TMEM87A: variants seen among roughly 807,000 people sequenced by gnomAD.
TMEM87A encodes the protein Golgi-pH regulating cation channel.
Under a neutral mutation model 90.0 loss-of-function variants are expected in TMEM87A, and 50 were observed. The ratio of observed to expected loss-of-function variants is 0.56; its 90% confidence interval spans 0.44 to 0.70. TMEM87A has a LOEUF of 0.70. Ranked by LOEUF, TMEM87A falls within the 30% of genes least tolerant of loss-of-function variation. The pLI is 0.00. For synonymous variants in TMEM87A, 226 were observed against 226.7 expected, an observed-to-expected ratio of 1.00 and a Z score of 0.03; for missense variants, 577 against 660.5, an observed-to-expected ratio of 0.87 and a Z score of 1.39.
chr15:42,270,238 C>T (rs992103241), intron 2 of TMEM87A, among the ~76,000 whole-genome samples: 1 of 151,794 alleles, frequency 6.6e-6, no homozygotes, highest in Non-Finnish European at 1.5e-5. Context: ...GGCGTGGTGG[C>T]ACGCGCCTAT....
intron 6 of TMEM87A, among the ~76,000 whole-genome samples, chr15:42,245,481 A>T (rs756964425): frequency 6.6e-6 from 1 of 150,678 alleles, no homozygotes; most frequent in African/African-American, 2.4e-5. Context: ...AATAACATTT[A>T]TATGCCAGAT....
intron 6 of TMEM87A, among the ~76,000 whole-genome samples, chr15:42,252,598 A>G (rs2051106746): frequency 6.6e-6 from 1 of 151,940 alleles, no homozygotes; most frequent in African/African-American, 2.4e-5. Flanking sequence ...AATTCCTATT[A>G]TGTGGATGTT....
chr15:42,233,110 A>T (rs1595719426), intron 11 of TMEM87A, 103 bp downstream of exon 11: 4 of 956,956 alleles, frequency 4.2e-6, no homozygotes, highest in Non-Finnish European at 6.4e-6. Context: ...AAAGTGACTT[A>T]AAGCAAACAG....
intron 1 of TMEM87A, 121 bp from the exon 2 acceptor site, chr15:42,272,244 A>G: frequency 1.6e-6 from 1 of 629,254 alleles, no homozygotes. Flanking sequence ...CGTACCCCTT[A>G]ATCAGTTCAT....
At chr15:42,212,094 C>G (rs1200155386) in intron 19 of TMEM87A, among the ~76,000 whole-genome samples, 1 of 152,118 alleles carries the variant, frequency 6.6e-6, no homozygotes, top group Non-Finnish European at 1.5e-5. Flanking sequence ...CTTGAAGACC[C>G]AGTGAAGGAT....
intron 3 of TMEM87A, among the ~76,000 whole-genome samples, chr15:42,266,016 G>C (rs1357019085): frequency 1.3e-5 from 2 of 152,106 alleles, no homozygotes; most frequent in Non-Finnish European, 1.5e-5. Context: ...AATATCAGAT[G>C]GTTGTAGGTG....
At chr15:42,219,760 GTTTTAT>G (rs2050441337) in intron 16 of TMEM87A, 118 bp from the exon 17 acceptor site, 1 of 709,012 alleles carries the variant, frequency 1.4e-6, no homozygotes, top group Admixed American at 3.4e-5. Flanking sequence ...ACTTATCATA[GTTTTAT>G]TTTAAGCTTC....
chr15:42,253,601 C>T (rs2051124408), intron 6 of TMEM87A, among the ~76,000 whole-genome samples: 1 of 152,162 alleles, frequency 6.6e-6, no homozygotes, highest in East Asian at 1.9e-4. Context: ...GTATTAGTTC[C>T]CCTGGCACCA....
At chr15:42,215,658 A>G (rs2050371016) in intron 19 of TMEM87A, among the ~76,000 whole-genome samples, 1 of 152,142 alleles carries the variant, frequency 6.6e-6, no homozygotes, top group East Asian at 1.9e-4. Context: ...CATCATCACT[A>G]ATCATCAGAG....
chr15:42,227,816 A>G, intron 13 of TMEM87A, 47 bp from the exon 14 acceptor site: 1 of 1,549,906 alleles, frequency 6.5e-7, no homozygotes, highest in Non-Finnish European at 8.9e-7. Flanking sequence ...GCTGGTTTAC[A>G]TCCCCAATTA....
intron 6 of TMEM87A, chr15:42,259,105 C>A (rs866804286): frequency 1.5e-6 from 1 of 654,710 alleles, no homozygotes; most frequent in African/African-American, 1.8e-5. Flanking sequence ...AAAACAACAG[C>A]TTAGCAGCCA....
At chr15:42,224,998 AG>A (rs2050563388) in intron 15 of TMEM87A, among the ~76,000 whole-genome samples, 1 of 152,248 alleles carries the variant, frequency 6.6e-6, no homozygotes, top group Non-Finnish European at 1.5e-5. Context: ...GTAGATCAAC[AG>A]ACGGATATAA....
chr15:42,273,478 GGCGGGATTATCC>G (rs1450328357), upstream of TMEM87A: 1 of 1,584,582 alleles, frequency 6.3e-7, no homozygotes, highest in African/African-American at 1.3e-5. Context: ...CTGCTCTAAG[GGCGGGATTATCC>G]GGGTCCTGGA....
At chr15:42,261,037 A>G in intron 5 of TMEM87A, 35 bp from the exon 6 acceptor site, 1 of 1,581,682 alleles carries the variant, frequency 6.3e-7, no homozygotes, top group Non-Finnish European at 8.6e-7. Context: ...TAATTAATTC[A>G]GAACTTCTTG....
At chr15:42,220,634 T>A (rs371544361) in intron 15 of TMEM87A, among the ~76,000 whole-genome samples, 3 of 152,188 alleles carry the variant, frequency 2.0e-5, no homozygotes, top group East Asian at 1.9e-4. Context: ...CCAGGTAATT[T>A]AATTTCAGTT....
intron 1 of TMEM87A, chr15:42,272,642 G>A (rs1190526418): frequency 1.4e-5 from 4 of 290,062 alleles, no homozygotes; most frequent in African/African-American, 8.9e-5. Flanking sequence ...GTCAACCCAT[G>A]TAGTTAATTA....
At chr15:42,227,036 G>A (rs1259803808) in intron 14 of TMEM87A, 127 bp from the exon 15 acceptor site, 6 of 851,810 alleles carry the variant, frequency 7.0e-6, no homozygotes, top group South Asian at 3.2e-5. Flanking sequence ...AGCCTGCTAC[G>A]TGCTCAGTAC....
chr15:42,248,239 T>C (rs1285936123), intron 6 of TMEM87A, among the ~76,000 whole-genome samples: 2 of 152,180 alleles, frequency 1.3e-5, no homozygotes, highest in African/African-American at 4.8e-5. Context: ...CAGGGACAAT[T>C]TGACTTCCTC....
At chr15:42,231,503 G>A (rs907760378) in intron 11 of TMEM87A, among the ~76,000 whole-genome samples, 4 of 152,070 alleles carry the variant, frequency 2.6e-5, no homozygotes, top group African/African-American at 9.7e-5. Flanking sequence ...TGCTAAGTAC[G>A]AGTTTTTCAT....
Sources: allele counts gnomAD v4.1 joint callset (sites outside exome capture counted in the v4.1 genomes callset), GRCh38; gene constraint gnomAD v4.1.1; transcripts MANE v1.5; gene names NCBI Gene and HGNC (gene_info 2026-07-23, HGNC 2026-07-21).